Variants in CFAP47 observed in about 807,000 individuals in gnomAD.
The protein encoded by CFAP47 is cilia- and flagella-associated protein 47.
CFAP47 carries 29 observed loss-of-function variants against 148.1 expected under a neutral mutation model. The ratio of observed to expected loss-of-function variants is 0.20; its 90% CI spans 0.15 to 0.27. CFAP47 has a LOEUF of 0.27. Ranked by LOEUF, CFAP47 falls within the 10% of genes least tolerant of loss-of-function variation. CFAP47 has a pLI of 1.00. For missense variants in CFAP47, 1,872 were observed against 1,697.5 expected, an observed-to-expected ratio of 1.10 and a Z score of -1.81; for synonymous variants, 664 against 577.3, an observed-to-expected ratio of 1.15 and a Z score of -2.15.
At chrX:36,000,138 G>A (rs184985460) in intron 19 of CFAP47, 145 bp from the exon 20 acceptor site, 69 of 239,459 alleles carry the variant, frequency 2.9e-4, no homozygotes, top group Non-Finnish European at 3.7e-5. Flanking sequence ...GAGGAGGTGG[G>A]GGAGAGGAAG....
At chrX:35,936,661 C>A (rs1247140320) in intron 2 of CFAP47, among the ~76,000 whole-genome samples, 2 of 110,951 alleles carry the variant, frequency 1.8e-5, no homozygotes, top group Non-Finnish European at 3.8e-5. Context: ...TTAACAGGCA[C>A]ACACCCCATT....
chrX:36,364,201 GTCT>G (rs1254636414), intron 61 of CFAP47, among the ~76,000 whole-genome samples: 4 of 110,505 alleles, frequency 3.6e-5, no homozygotes, highest in Non-Finnish European at 5.7e-5. Context: ...AAATTCTGTG[GTCT>G]TCTCCTGAAG....
intron 60 of CFAP47, among the ~76,000 whole-genome samples, chrX:36,357,725 A>G (rs1556018651): frequency 3.6e-5 from 4 of 111,251 alleles, no homozygotes; most frequent in Non-Finnish European, 5.7e-5. Flanking sequence ...GATTTCTCCT[A>G]TAAGTGTATT....
chrX:36,188,024 A>G (rs958110553), intron 40 of CFAP47, among the ~76,000 whole-genome samples: 4 of 112,033 alleles, frequency 3.6e-5, no homozygotes, highest in Non-Finnish European at 5.6e-5. Context: ...GAATATTACA[A>G]GAAGAGTGAT....
At position 35,948,357 on chromosome X, in the gene CFAP47, T is replaced by A; in HGVS notation, c.561T>A (p.Ile187=). 5.0e-6 allele frequency: 6 copies of A among 1,202,560 alleles called. No individual in the cohort carries two copies. Among genetic ancestry groups the A allele is most frequent in the Non-Finnish European group, 6.8e-6 (6 of 887,156 alleles). The part of the protein sequence containing the change: ...AEYHGQLPIL[I]FPTSGIVDAK... ...ACCACGGCCAATTACCCATCCTCAT[T>A]TTTCCAACTAGTGGTATCGTGGATG... Residue 187 remains isoleucine (I), a synonymous_variant, in exon 4 of 64, where the codon ATT becomes ATA. Coordinates refer to ENST00000378653, the MANE Select transcript of CFAP47 (RefSeq NM_001304548.2).
At chrX:36,247,030 C>T (rs1448436959) in intron 48 of CFAP47, among the ~76,000 whole-genome samples, 1 of 111,310 alleles carries the variant, frequency 9.0e-6, no homozygotes, top group Admixed American at 9.6e-5. Flanking sequence ...TACCCAGGTG[C>T]CCATCAGTGG....
At chrX:36,361,543 C>T (rs900528949) in intron 61 of CFAP47, 42 bp downstream of exon 61, 15 of 599,499 alleles carry the variant, frequency 2.5e-5, no homozygotes, top group Admixed American at 9.3e-5. Context: ...AATAGTATTA[C>T]CCTTTTAAAT....
intron 42 of CFAP47, among the ~76,000 whole-genome samples, chrX:36,198,856 C>T (rs782419606): frequency 9.0e-6 from 1 of 111,309 alleles, no homozygotes; most frequent in South Asian, 3.8e-4. Flanking sequence ...GGGCAGGGAT[C>T]CATTTAGTTA....
At chrX:36,240,840 A>G (rs1274225257) in intron 48 of CFAP47, among the ~76,000 whole-genome samples, 2 of 112,152 alleles carry the variant, frequency 1.8e-5, no homozygotes, top group African/African-American at 6.5e-5. Flanking sequence ...ACATAAATAT[A>G]TGCTAGATGT....
chrX:36,208,274 C>T (rs982979431), intron 45 of CFAP47, among the ~76,000 whole-genome samples: 2 of 111,338 alleles, frequency 1.8e-5, no homozygotes, highest in Admixed American at 1.9e-4. Flanking sequence ...TAATGTGTAA[C>T]GTAATTGTAA....
At chrX:36,138,891 G>A (rs373138666) in intron 35 of CFAP47, among the ~76,000 whole-genome samples, 13 of 111,028 alleles carry the variant, frequency 1.2e-4, no homozygotes, top group African/African-American at 3.9e-4. Context: ...GGCAATATAC[G>A]TTTTAATTGT....
chrX:36,205,210 A>G (rs1555988677), intron 45 of CFAP47, 100 bp downstream of exon 45: 1 of 288,578 alleles, frequency 3.5e-6, no homozygotes, highest in Admixed American at 6.3e-5. Context: ...TTACTGACAA[A>G]GTGTTCATAA....
At chrX:35,992,738 G>A (rs935207723) in intron 17 of CFAP47, among the ~76,000 whole-genome samples, 2 of 111,129 alleles carry the variant, frequency 1.8e-5, no homozygotes, top group Admixed American at 9.6e-5. Context: ...AGATCAAAAT[G>A]ATATCTTAGA....
intron 22 of CFAP47, among the ~76,000 whole-genome samples, chrX:36,027,719 T>C (rs764146344): frequency 7.4e-4 from 83 of 111,684 alleles, no homozygotes; most frequent in Middle Eastern, 9.3e-3. Flanking sequence ...TTTTAGTTCT[T>C]TGGGAAATCT....
chrX:36,248,357 TATA>T (rs1208425294), intron 48 of CFAP47, among the ~76,000 whole-genome samples: 2 of 105,403 alleles, frequency 1.9e-5, no homozygotes, highest in African/African-American at 6.7e-5. Flanking sequence ...ATGCTTTCTT[TATA>T]ATATGTGTGT....
chrX:36,019,109 T>C (rs1042424179), intron 22 of CFAP47, among the ~76,000 whole-genome samples: 1 of 111,651 alleles, frequency 9.0e-6, no homozygotes, highest in African/African-American at 3.3e-5. Flanking sequence ...GGTCTGTCCC[T>C]TGCAGACCCC....
chrX:36,324,671 T>C (rs1941503556), intron 57 of CFAP47, among the ~76,000 whole-genome samples: 1 of 111,680 alleles, frequency 9.0e-6, no homozygotes, highest in Admixed American at 9.5e-5. Context: ...ATATATGTTA[T>C]TGGGATTATT....
At chrX:36,278,009 C>G (rs781788972) in intron 49 of CFAP47, among the ~76,000 whole-genome samples, 22 of 112,122 alleles carry the variant, frequency 2.0e-4, no homozygotes, top group South Asian at 1.1e-3. Context: ...TCGGCCCCTA[C>G]TGGGAGGTGT....
rs16987378 is a variant in CFAP47 at position 36,142,886 on chromosome X, G to A, written c.5536-2333G>A. ...CTTTTCCCCAGTAAACACACCTCCCGTCACCCTAGATAGCCCTCTTCGGAT... is the reference window on the plus strand; with the variant it reads ...CTTTTCCCCAGTAAACACACCTCCCATCACCCTAGATAGCCCTCTTCGGAT... On this transcript the variant is annotated intron_variant, in intron 35 of 63. Coordinates refer to ENST00000378653, the MANE Select transcript of CFAP47 (RefSeq NM_001304548.2). 9.4e-3 allele frequency among the ~76,000 whole-genome samples: 1,034 copies of A among 109,763 alleles called. 4 individuals carry two copies. The highest frequency in any genetic ancestry group is 0.033 in the African/African-American group (991 of 30,167).
Sources: gnomAD v4.1 joint callset for allele counts (sites outside exome capture counted in the v4.1 genomes callset) on GRCh38, gnomAD v4.1.1 for gene constraint, MANE v1.5 for transcripts, NCBI Gene and HGNC (gene_info 2026-07-23, HGNC 2026-07-21) for gene names.